The following CDH2 variants were observed in gnomAD, a reference collection of about 807,000 sequenced individuals.
CDH2 encodes cadherin-2.
Under a neutral mutation model 92.0 loss-of-function variants are expected in CDH2, and 17 were observed. That is an observed-to-expected ratio of 0.18 (90% CI 0.13 to 0.28). The LOEUF (loss-of-function observed/expected upper bound fraction) is 0.28. CDH2 is among the 10% of genes least tolerant of loss of function. The pLI is 1.00. For missense variants in CDH2, 862 were observed against 1,133.1 expected (o/e 0.76, Z 3.44); for synonymous variants, 419 against 415.9 (o/e 1.01, Z -0.09).
chr18:27,946,943 CAAG>C (rs1342142987), downstream of CDH2, among the ~76,000 whole-genome samples: 2 of 151,758 alleles, frequency 1.3e-5, no homozygotes, highest in Admixed American at 1.3e-4. Flanking sequence ...TACAAAATTT[CAAG>C]GTAAGTGAAG....
At chr18:28,176,688 G>T (rs899545677) in intron 1 of CDH2, among the ~76,000 whole-genome samples, 3 of 152,114 alleles carry the variant, frequency 2.0e-5, no homozygotes, top group South Asian at 4.1e-4. Flanking sequence ...GAGCTTGCTC[G>T]GCCCCGAAGA....
intron 2 of CDH2, among the ~76,000 whole-genome samples, chr18:28,028,451 A>C (rs1428233378): frequency 6.6e-6 from 1 of 152,158 alleles, no homozygotes; most frequent in African/African-American, 2.4e-5. Flanking sequence ...ACTAAACCCC[A>C]AATCATTTGC....
chr18:27,987,167 T>C (rs150105930), intron 11 of CDH2, among the ~76,000 whole-genome samples: 130 of 152,208 alleles, frequency 8.5e-4, no homozygotes, highest in African/African-American at 2.8e-3. Context: ...TACATACATA[T>C]AATTTTATGG....
At chr18:28,080,611 T>A (rs1341115156) in intron 2 of CDH2, among the ~76,000 whole-genome samples, 1 of 152,228 alleles carries the variant, frequency 6.6e-6, no homozygotes, top group Non-Finnish European at 1.5e-5. Context: ...AGTTTAAATT[T>A]ATTTTGTTTG....
At chr18:28,086,108 A>T (rs17494502) in intron 2 of CDH2, among the ~76,000 whole-genome samples, 1,923 of 152,302 alleles carry the variant, frequency 0.013, 39 homozygotes, top group African/African-American at 0.043. Context: ...TCAACCTTCT[A>T]GCAAGCAGCA....
chr18:28,051,318 A>G (rs185277797), intron 2 of CDH2, among the ~76,000 whole-genome samples: 12 of 152,320 alleles, frequency 7.9e-5, no homozygotes, highest in African/African-American at 2.9e-4. Flanking sequence ...GTGTAATACC[A>G]CAAAATAGAT....
intron 2 of CDH2, among the ~76,000 whole-genome samples, chr18:28,124,840 C>T (rs1332407397): frequency 1.3e-5 from 2 of 152,180 alleles, no homozygotes; most frequent in African/African-American, 2.4e-5. Flanking sequence ...CAGCAAGTTG[C>T]TATGCCTCTC....
chr18:27,984,571 C>A (rs754802441), intron 13 of CDH2, among the ~76,000 whole-genome samples: 9 of 152,170 alleles, frequency 5.9e-5, no homozygotes, highest in Non-Finnish European at 1.0e-4. Context: ...ATGACTGGAG[C>A]ACGTTGCTGA....
intron 6 of CDH2, among the ~76,000 whole-genome samples, chr18:27,937,235 A>G (rs1909039810): frequency 6.6e-6 from 1 of 152,220 alleles, no homozygotes; most frequent in Non-Finnish European, 1.5e-5. Flanking sequence ...ATCCATCTTT[A>G]TGAACATTTT....
chr18:27,995,268 C>T lies in CDH2; in HGVS notation c.1021-1631G>A, dbSNP rs17522387. Among the ~76,000 whole-genome samples the T allele has an allele frequency of 2.8e-4, 38 of 136,214 alleles. 1 individual carries two copies. The highest frequency in any genetic ancestry group is 4.3e-3 in the Middle Eastern group (1 of 232). The allele number at this position is 136,214 out of a possible 152,430, so 89.4% of individuals were successfully genotyped here. A position where few individuals can be genotyped will look rare whatever the true frequency, so the allele number is the denominator to read the frequency against. ...GGCGGAGGTTGCAGTGAGCCGAGAT[C>T]GTGCCACTGTGCTCCAGCCTGGGCG... On this transcript the variant is annotated intron_variant, in intron 7 of 15. Coordinates refer to ENST00000269141, the MANE Select transcript of CDH2 (RefSeq NM_001792.5).
At chr18:28,055,619 T>C (rs1022640115) in intron 2 of CDH2, among the ~76,000 whole-genome samples, 3 of 152,222 alleles carry the variant, frequency 2.0e-5, no homozygotes, top group African/African-American at 4.8e-5. Flanking sequence ...GTGATATTTT[T>C]CTAAAATTTA....
intron 2 of CDH2, among the ~76,000 whole-genome samples, chr18:28,063,591 A>G (rs17494220): frequency 0.051 from 7,700 of 152,250 alleles, 674 homozygotes; most frequent in African/African-American, 0.18. Context: ...AACTTTTCAC[A>G]GGGGCTCCCT....
chr18:28,012,317 A>G (rs902441085), intron 3 of CDH2, among the ~76,000 whole-genome samples: 1 of 152,188 alleles, frequency 6.6e-6, no homozygotes, highest in African/African-American at 2.4e-5. Context: ...TATATTTCTC[A>G]TTAGTTTAAA....
chr18:27,955,761 G>GGTTTTTTTTTTTTTT (rs2011229791), intron 15 of CDH2, among the ~76,000 whole-genome samples: 1 of 111,716 alleles, frequency 9.0e-6, no homozygotes, highest in South Asian at 3.3e-4. Flanking sequence ...CTTTATTTCT[G>GGTTTTTTTTTTTTTT]TTTTTTTTTT....
At chr18:28,034,148 T>C (rs1442257931) in intron 2 of CDH2, among the ~76,000 whole-genome samples, 1 of 152,088 alleles carries the variant, frequency 6.6e-6, no homozygotes, top group East Asian at 1.9e-4. Flanking sequence ...GCGCTGATAA[T>C]AATCTCTCAA....
intron 2 of CDH2, among the ~76,000 whole-genome samples, chr18:28,082,359 T>C (rs933207571): frequency 5.9e-5 from 9 of 152,066 alleles, no homozygotes; most frequent in African/African-American, 2.2e-4. Context: ...TGCAGTGAGC[T>C]ATGATCACAC....
intron 2 of CDH2, among the ~76,000 whole-genome samples, chr18:28,041,083 T>TG (rs944158023): frequency 1.7e-4 from 26 of 152,306 alleles, no homozygotes; most frequent in African/African-American, 6.3e-4. Context: ...TTTCAGTTAC[T>TG]GGGGAGGGGT....
chr18:28,096,593 G>A (rs2015139461), intron 2 of CDH2, among the ~76,000 whole-genome samples: 1 of 152,004 alleles, frequency 6.6e-6, no homozygotes, highest in African/African-American at 2.4e-5. Flanking sequence ...AAAGCTATAA[G>A]CATTAAGTTG....
chr18:28,148,895 TGTTCTTTTCAAATCC>T (rs1258981230), intron 1 of CDH2, among the ~76,000 whole-genome samples: 1 of 152,200 alleles, frequency 6.6e-6, no homozygotes, highest in Non-Finnish European at 1.5e-5. Flanking sequence ...TCTAATAAAC[TGTTCTTTTCAAATCC>T]AAGAAAATAA....
Sources: allele counts gnomAD v4.1 joint callset (sites outside exome capture counted in the v4.1 genomes callset), GRCh38; gene constraint gnomAD v4.1.1; transcripts MANE v1.5; gene names NCBI Gene and HGNC (gene_info 2026-07-23, HGNC 2026-07-21).